The following DCC variants were observed in gnomAD, a reference collection of about 807,000 sequenced individuals.
DCC encodes netrin receptor DCC.
A neutral mutation model predicts 172.5 loss-of-function variants in DCC; 58 were observed. The ratio of observed to expected loss-of-function variants is 0.34; its 90% CI spans 0.27 to 0.42. The LOEUF is 0.42. DCC is among the 10% of genes least tolerant of loss of function. The pLI, the probability that DCC is intolerant of heterozygous loss-of-function variation, is 1.00. For missense variants in DCC, 1,740 were observed against 1,791.0 expected, an observed-to-expected ratio of 0.97 and a Z score of 0.51; for synonymous variants, 709 against 644.5, an observed-to-expected ratio of 1.10 and a Z score of -1.52.
At chr18:53,333,705 T>C (rs1437496207) in intron 14 of DCC, among the ~76,000 whole-genome samples, 2 of 152,198 alleles carry the variant, frequency 1.3e-5, no homozygotes, top group Non-Finnish European at 2.9e-5. Context: ...CAATGTGGTT[T>C]GAGAACACCT....
At chr18:53,265,678 A>C (rs1210868160) in intron 12 of DCC, among the ~76,000 whole-genome samples, 2 of 152,360 alleles carry the variant, frequency 1.3e-5, no homozygotes, top group South Asian at 2.1e-4. Flanking sequence ...TTATCATGGA[A>C]AAATGCCAAT....
intron 2 of DCC, among the ~76,000 whole-genome samples, chr18:52,785,669 G>T (rs537083579): frequency 2.6e-5 from 4 of 152,126 alleles, no homozygotes; most frequent in Non-Finnish European, 4.4e-5. Context: ...TTGTGATACT[G>T]GTTTGCCTCC....
At chr18:53,081,404 G>A (rs2042800565) in intron 7 of DCC, among the ~76,000 whole-genome samples, 1 of 151,504 alleles carries the variant, frequency 6.6e-6, no homozygotes, top group African/African-American at 2.4e-5. Flanking sequence ...CAATATTTTT[G>A]AAATCCACAA....
At chr18:53,074,186 T>TTCATTGTG (rs1358008618) in intron 7 of DCC, among the ~76,000 whole-genome samples, 5 of 152,164 alleles carry the variant, frequency 3.3e-5, no homozygotes, top group Non-Finnish European at 7.3e-5. Flanking sequence ...ATTTAACTGT[T>TTCATTGTG]TCATTGTGTT....
chr18:52,671,792 A>G (rs924282617), intron 1 of DCC, among the ~76,000 whole-genome samples: 1 of 151,696 alleles, frequency 6.6e-6, no homozygotes, highest in Non-Finnish European at 1.5e-5. Context: ...TATCTCAGTC[A>G]CCCAAATTTC....
At chr18:52,852,565 T>A (rs1465103503) in intron 2 of DCC, among the ~76,000 whole-genome samples, 1 of 151,762 alleles carries the variant, frequency 6.6e-6, no homozygotes, top group East Asian at 1.9e-4. Context: ...TTTCTAGAGA[T>A]GTTGATTATG....
intron 5 of DCC, among the ~76,000 whole-genome samples, chr18:53,040,078 A>T (rs1024610850): frequency 6.6e-6 from 1 of 151,986 alleles, no homozygotes; most frequent in African/African-American, 2.4e-5. Flanking sequence ...TCAAAGCTTG[A>T]CACTGATTAA....
At chr18:52,909,482 C>T (rs1382718158) in intron 3 of DCC, among the ~76,000 whole-genome samples, 1 of 152,024 alleles carries the variant, frequency 6.6e-6, no homozygotes, top group Non-Finnish European at 1.5e-5. Context: ...TACCATAGTT[C>T]ATAAGAAGTG....
chr18:52,772,575 A>G (rs943781774), intron 2 of DCC, among the ~76,000 whole-genome samples: 1 of 152,240 alleles, frequency 6.6e-6, no homozygotes, highest in Non-Finnish European at 1.5e-5. Flanking sequence ...GGAAAAGCAC[A>G]TCTCTAGGAT....
chr18:52,783,338 T>C (rs1423799063), intron 2 of DCC, among the ~76,000 whole-genome samples: 1 of 89,542 alleles, frequency 1.1e-5, no homozygotes, highest in Non-Finnish European at 2.7e-5. Context: ...TTTTTTTTTT[T>C]TTTTTTTTTT....
At chr18:52,446,460 T>A (rs995133055) in intron 1 of DCC, among the ~76,000 whole-genome samples, 1 of 152,194 alleles carries the variant, frequency 6.6e-6, no homozygotes, top group Non-Finnish European at 1.5e-5. Context: ...ATCAACTACT[T>A]CTCTAGATCA....
intron 12 of DCC, among the ~76,000 whole-genome samples, chr18:53,293,276 C>A (rs1468373172): frequency 6.6e-6 from 1 of 152,112 alleles, no homozygotes; most frequent in Non-Finnish European, 1.5e-5. Flanking sequence ...CAGAAATGCA[C>A]ACTACACTTG....
At chr18:53,428,128 A>AATATAATATAATAATATATAAT in intron 21 of DCC, among the ~76,000 whole-genome samples, 1 of 9,204 alleles carries the variant, frequency 1.1e-4, no homozygotes, top group Admixed American at 1.2e-3. Context: ...TATAATATAT[A>AATATAATATAATAATATATAAT]ATATAATATA....
At chr18:52,358,034 T>C (rs1984455029) in intron 1 of DCC, among the ~76,000 whole-genome samples, 1 of 151,764 alleles carries the variant, frequency 6.6e-6, no homozygotes, top group Non-Finnish European at 1.5e-5. Flanking sequence ...ATGTACCCCC[T>C]GATATGATGT....
At chr18:52,717,925 G>C (rs2036412292) in intron 1 of DCC, among the ~76,000 whole-genome samples, 1 of 152,116 alleles carries the variant, frequency 6.6e-6, no homozygotes, top group Non-Finnish European at 1.5e-5. Context: ...AAATTTTATA[G>C]TATGTCTATT....
intron 25 of DCC, among the ~76,000 whole-genome samples, chr18:53,473,678 C>A (rs754718592): frequency 6.6e-6 from 1 of 152,170 alleles, no homozygotes; most frequent in Non-Finnish European, 1.5e-5. Context: ...TGGGAAACAG[C>A]GACTCAGACA....
chr18:52,667,059 G>A (rs2035469582), intron 1 of DCC, among the ~76,000 whole-genome samples: 1 of 152,140 alleles, frequency 6.6e-6, no homozygotes, highest in African/African-American at 2.4e-5. Flanking sequence ...GAGGGGCAAA[G>A]GGAGGGATTA....
intron 1 of DCC, among the ~76,000 whole-genome samples, chr18:52,651,952 G>A (rs1222231601): frequency 2.6e-5 from 4 of 152,206 alleles, no homozygotes; most frequent in African/African-American, 9.7e-5. Context: ...AAAAAACAGT[G>A]CAGTAGGAAA....
chr18:52,752,116 A>G lies in DCC; in HGVS notation c.154A>G (p.Met52Val), dbSNP rs775883937. The change falls in exon 2 of 29, where the codon ATG becomes GTG. Residue 52 changes from methionine to valine, a missense_variant. By Grantham distance (21) the Met-to-Val change is conservative. This residue lies in a region of DCC where 1,732 missense variants were observed against 1,767.4 expected (regional missense o/e 0.98). Coordinates refer to ENST00000442544, the MANE Select transcript of DCC (RefSeq NM_005215.4). ...CTCAGAACCTTCTGATGCCGTCACA[A>G]TGCGGGGAGGAAATGTCCTCCTCGA... is the stretch of plus-strand genomic sequence containing the variant. ...FLSEPSDAVTMRGGNVLLDCS... is the reference protein window; with the variant it reads ...FLSEPSDAVTVRGGNVLLDCS... The G allele has an allele frequency of 3.7e-6, 6 of 1,614,064 alleles. No individual in the cohort carries two copies. Among genetic ancestry groups the G allele is most frequent in the Admixed American group, 1.7e-5 (1 of 60,008 alleles).
Sources: gnomAD v4.1 joint callset for allele counts (sites outside exome capture counted in the v4.1 genomes callset) on GRCh38, gnomAD v4.1.1 for gene constraint, gnomAD v4.1.1 regional missense constraint, MANE v1.5 for transcripts, NCBI Gene and HGNC (gene_info 2026-07-23, HGNC 2026-07-21) for gene names.